The following ADAMTS3 variants were observed in gnomAD, a reference collection of about 807,000 sequenced individuals.
ADAMTS3 encodes A disintegrin and metalloproteinase with thrombospondin motifs 3.
In ADAMTS3, 73 loss-of-function variants were observed where a neutral mutation model predicts 129.0. The observed-to-expected ratio is 0.57, with a 90% CI of 0.47 to 0.69. The LOEUF (loss-of-function observed/expected upper bound fraction) is 0.69. Ranked by LOEUF, ADAMTS3 falls within the 30% of genes least tolerant of loss-of-function variation. The pLI is 0.00. For missense variants in ADAMTS3, 1,457 were observed against 1,514.5 expected, an observed-to-expected ratio of 0.96 and a Z score of 0.63; for synonymous variants, 477 against 510.8, an observed-to-expected ratio of 0.93 and a Z score of 0.89.
chr4:72,405,960 A>G (rs1722039368), intron 4 of ADAMTS3, among the ~76,000 whole-genome samples: 1 of 152,152 alleles, frequency 6.6e-6, no homozygotes, highest in South Asian at 2.1e-4. Context: ...AGATTCTGGA[A>G]GAACACTTTA....
intron 13 of ADAMTS3, chr4:72,312,000 AT>A: frequency 3.0e-6 from 1 of 329,192 alleles, no homozygotes; most frequent in Non-Finnish European, 5.6e-6. Flanking sequence ...TAGTAGAGGG[AT>A]TTCGGTTGAA....
intron 3 of ADAMTS3, among the ~76,000 whole-genome samples, chr4:72,427,413 T>C (rs1481667): frequency 0.71 from 107,988 of 151,904 alleles, 38,608 homozygotes; most frequent in South Asian, 0.81. Flanking sequence ...CCACAGCCAG[T>C]TATGTCAATG....
intron 3 of ADAMTS3, among the ~76,000 whole-genome samples, chr4:72,485,836 T>A (rs1201828571): frequency 3.3e-5 from 5 of 152,138 alleles, no homozygotes; most frequent in Admixed American, 3.3e-4. Context: ...TTTGCCCTCA[T>A]AAATGAGATT....
chr4:72,465,731 A>G (rs977280515), intron 3 of ADAMTS3, among the ~76,000 whole-genome samples: 24 of 152,098 alleles, frequency 1.6e-4, no homozygotes, highest in Admixed American at 6.6e-4. Context: ...TCCCCACCCA[A>G]ATCTCACCTT....
chr4:72,525,275 G>A lies in ADAMTS3; in HGVS notation c.504+23203C>T, dbSNP rs191660178. Reference sequence around the variant, plus strand: ...GGACAGAGAAATCCTTCTTCTATGAGAAAGTGCTCCACCACACTGATATAA... The same window carrying A: ...GGACAGAGAAATCCTTCTTCTATGAAAAAGTGCTCCACCACACTGATATAA... On this transcript the variant is annotated intron_variant, in intron 3 of 21. Transcript: ENST00000286657. 2.0e-3 allele frequency among the ~76,000 whole-genome samples: 310 copies of A among 152,290 alleles called. 1 individual carries two copies. The highest frequency in any genetic ancestry group is 5.6e-3 in the African/African-American group (233 of 41,576).
chr4:72,288,915 CATGCACAT>C (rs1718583634), intron 20 of ADAMTS3, 47 bp from the exon 21 acceptor site: 1 of 735,692 alleles, frequency 1.4e-6, no homozygotes, highest in Non-Finnish European at 2.4e-6. Flanking sequence ...GCACCAAGAC[CATGCACAT>C]ACACACACAC....
chr4:72,314,261 C>G (rs1349228950), intron 11 of ADAMTS3, among the ~76,000 whole-genome samples: 1 of 152,086 alleles, frequency 6.6e-6, no homozygotes, highest in South Asian at 2.1e-4. Context: ...TATAACATGT[C>G]TAAAACATAT....
At chr4:72,313,654 AAG>A in intron 12 of ADAMTS3, 21 bp downstream of exon 12, 6 of 1,609,620 alleles carry the variant, frequency 3.7e-6, no homozygotes, top group Non-Finnish European at 5.1e-6. Context: ...CAAAAATAAC[AAG>A]AGTTACAAGG....
intron 4 of ADAMTS3, among the ~76,000 whole-genome samples, chr4:72,400,324 G>A (rs1348758757): frequency 1.5e-5 from 2 of 133,710 alleles, no homozygotes; most frequent in Non-Finnish European, 3.2e-5. Context: ...CATGGTGTGT[G>A]TATATATACA....
chr4:72,284,305 C>T (rs996578470), intron 21 of ADAMTS3, among the ~76,000 whole-genome samples: 2 of 151,904 alleles, frequency 1.3e-5, no homozygotes, highest in South Asian at 2.1e-4. Context: ...ATTAGCCAGG[C>T]GCGGTGGCAG....
intron 4 of ADAMTS3, among the ~76,000 whole-genome samples, chr4:72,373,679 A>G (rs1253643371): frequency 6.6e-6 from 1 of 152,082 alleles, no homozygotes; most frequent in Non-Finnish European, 1.5e-5. Context: ...TGGGTGGATC[A>G]CTTGGACCCA....
chr4:72,530,456 A>C (rs1278807828), intron 3 of ADAMTS3, among the ~76,000 whole-genome samples: 1 of 90,668 alleles, frequency 1.1e-5, no homozygotes, highest in Non-Finnish European at 1.9e-5. Context: ...TATATATTAT[A>C]TATTAAATAT....
At chr4:72,512,779 C>T (rs988016895) in intron 3 of ADAMTS3, among the ~76,000 whole-genome samples, 6 of 152,174 alleles carry the variant, frequency 3.9e-5, no homozygotes, top group African/African-American at 1.4e-4. Context: ...ATAAGCTTGA[C>T]CCTAAAATTT....
chr4:72,338,494 T>C (rs2109830461), intron 5 of ADAMTS3, among the ~76,000 whole-genome samples: 1 of 152,288 alleles, frequency 6.6e-6, no homozygotes, highest in Admixed American at 6.5e-5. Context: ...TAGACCAAAA[T>C]ATAATTAACA....
At chr4:72,526,490 A>T (rs1306176816) in intron 3 of ADAMTS3, among the ~76,000 whole-genome samples, 1 of 151,220 alleles carries the variant, frequency 6.6e-6, no homozygotes, top group Admixed American at 6.6e-5. Flanking sequence ...CTCAAAATAT[A>T]CTAATAAATA....
At chr4:72,434,381 C>T (rs960824275) in intron 3 of ADAMTS3, among the ~76,000 whole-genome samples, 1 of 90,542 alleles carries the variant, frequency 1.1e-5, no homozygotes, top group African/African-American at 3.2e-5. Context: ...ACAACTAAGA[C>T]ATGAACTCGT....
Position 72,560,986 on chromosome 4 carries a change from T to G in ADAMTS3, c.97+6388A>C, listed in dbSNP as rs561160045. Among the ~76,000 whole-genome samples the G allele has an allele frequency of 5.3e-5, 8 of 152,340 alleles. No homozygotes were observed. The South Asian group carries it at 1.2e-3, about 24-fold the overall frequency. The stretch of plus-strand genomic sequence containing the variant: ...ACTCAGTCAACAGTGTCTGTGCTCC[T>G]GACCACTTGATAGAGGAAATATGAG... On this transcript the variant is annotated intron_variant, in intron 2 of 21. Coordinates refer to ENST00000286657, the MANE Select transcript of ADAMTS3 (RefSeq NM_014243.3).
intron 4 of ADAMTS3, among the ~76,000 whole-genome samples, chr4:72,410,423 A>C (rs1216212572): frequency 6.6e-6 from 1 of 152,168 alleles, no homozygotes; most frequent in Non-Finnish European, 1.5e-5. Context: ...AAGCTAGGAG[A>C]TAAAGGCTCA....
intron 4 of ADAMTS3, among the ~76,000 whole-genome samples, chr4:72,400,191 TGTGTGTATATATGCACACATG>T (rs1457695346): frequency 7.2e-6 from 1 of 138,896 alleles, no homozygotes; most frequent in South Asian, 2.2e-4. Context: ...GGTATGTATA[TGTGTGTATATATGCACACATG>T]GTGTGTATGT....
Sources: gnomAD v4.1 joint callset for allele counts (sites outside exome capture counted in the v4.1 genomes callset) on GRCh38, gnomAD v4.1.1 for gene constraint, MANE v1.5 for transcripts, NCBI Gene and HGNC (gene_info 2026-07-23, HGNC 2026-07-21) for gene names.